The following CAMTA1 variants were observed in gnomAD, a reference collection of about 807,000 sequenced individuals.
The protein encoded by CAMTA1 is calmodulin-binding transcription activator 1.
CAMTA1 carries 27 observed loss-of-function variants against 170.9 expected under a neutral mutation model. The observed-to-expected ratio is 0.16, with a 90% confidence interval of 0.12 to 0.22. The LOEUF (loss-of-function observed/expected upper bound fraction) is 0.22, where lower values mean the gene tolerates loss of function less well. Ranked by LOEUF, CAMTA1 falls within the 10% of genes least tolerant of loss-of-function variation. CAMTA1 has a pLI of 1.00. For synonymous variants in CAMTA1, 833 were observed against 891.5 expected, an observed-to-expected ratio of 0.93 and a Z score of 1.17; for missense variants, 1,619 against 2,217.2, an observed-to-expected ratio of 0.73 and a Z score of 5.42.
At chr1:7,478,966 G>A (rs945361809) in intron 6 of CAMTA1, among the ~76,000 whole-genome samples, 4 of 152,220 alleles carry the variant, frequency 2.6e-5, no homozygotes, top group African/African-American at 4.8e-5. Flanking sequence ...TGCCTCTGAC[G>A]TGATTCAAAG....
intron 6 of CAMTA1, among the ~76,000 whole-genome samples, chr1:7,531,472 C>A (rs1226800779): frequency 6.6e-6 from 1 of 152,192 alleles, no homozygotes; most frequent in African/African-American, 2.4e-5. Flanking sequence ...ACTCGAAAAA[C>A]CTGCAGAGGG....
chr1:7,663,870 G>A lies in CAMTA1; in HGVS notation c.1323G>A (p.Lys441=). 1 of 1,614,036 alleles carries A rather than the reference G, an allele frequency of 6.2e-7. No individual in the cohort carries two copies. The stretch of plus-strand genomic sequence containing the variant: ...TGGCCGTGAGCTCTGATGGCCACAA[G>A]TTCGCCTTTCCCACCACGGGCAGCT... ...LVLAVSSDGH[K]FAFPTTGSSE... Residue 441 remains lysine (K), a synonymous_variant, in exon 9 of 23, where the codon AAG becomes AAA. Transcript: ENST00000303635.
intron 5 of CAMTA1, among the ~76,000 whole-genome samples, chr1:7,328,030 C>T (rs560482206): frequency 2.6e-5 from 4 of 152,100 alleles, no homozygotes; most frequent in Admixed American, 6.5e-5. Flanking sequence ...AGAAATCAGT[C>T]GTCATTCTAA....
chr1:6,892,629 G>A (rs1217292523), intron 3 of CAMTA1, among the ~76,000 whole-genome samples: 2 of 149,856 alleles, frequency 1.3e-5, no homozygotes, highest in Non-Finnish European at 3.0e-5. Context: ...ATGTGGTGGG[G>A]GTAGATGCTT....
In CAMTA1 at chr1:7,458,747, C is replaced by T. The variant is rs760067287; in HGVS notation, c.439-9083C>T. ...TTGCTGTCTGGCCTCAGTCCCCTGGCGTGGCAGGGCCACAAGCTGCTTTGG... is the reference window on the plus strand; with the variant it reads ...TTGCTGTCTGGCCTCAGTCCCCTGGTGTGGCAGGGCCACAAGCTGCTTTGG... On this transcript the variant is annotated intron_variant, in intron 5 of 22. Transcript: ENST00000303635. Among the ~76,000 whole-genome samples the T allele has an allele frequency of 2.8e-4, 43 of 152,186 alleles. 1 individual carries two copies. Among genetic ancestry groups the T allele is most frequent in the Admixed American group, 2.2e-3 (33 of 15,288 alleles).
At chr1:7,391,790 G>A (rs781434129) in intron 5 of CAMTA1, among the ~76,000 whole-genome samples, 6 of 152,016 alleles carry the variant, frequency 3.9e-5, no homozygotes, top group Admixed American at 2.6e-4. Flanking sequence ...GGCTTCTTTC[G>A]CCAGACATAA....
intron 11 of CAMTA1, among the ~76,000 whole-genome samples, chr1:7,730,924 CTCTCTATATA>C (rs1319508472): frequency 1.9e-5 from 2 of 108,056 alleles, no homozygotes; most frequent in African/African-American, 3.1e-5. Context: ...CTCTCTCTCT[CTCTCTATATA>C]TATATATATA....
intron 5 of CAMTA1, chr1:7,388,350 C>G (rs538546322): frequency 1.3e-5 from 2 of 152,286 alleles, no homozygotes; most frequent in African/African-American, 4.8e-5. Flanking sequence ...AGGAGAGGAG[C>G]CTCTCTTCTG....
In CAMTA1 at chr1:7,670,925, C is replaced by G; in HGVS notation, c.2667C>G (p.Val889=). The G allele has an allele frequency of 6.2e-7, 1 of 1,613,728 alleles. No individual in the cohort carries two copies. The highest frequency in any genetic ancestry group is 8.5e-7 in the Non-Finnish European group (1 of 1,179,938). The change falls in exon 10 of 23, where the codon GTC becomes GTG. Residue 889 remains valine, a synonymous_variant. Transcript: ENST00000303635. ...EWSYPEGGVK[V]LITGPWQEAS... ...GTTCTCTGCAGGGAGGAGTGAAGGT[C>G]CTCATCACAGGCCCGTGGCAAGAAG...
chr1:7,011,493 G>A (rs947088426), intron 3 of CAMTA1, among the ~76,000 whole-genome samples: 4 of 151,970 alleles, frequency 2.6e-5, no homozygotes, highest in South Asian at 2.1e-4. Context: ...CTGAAGATGC[G>A]GAGGACCTAC....
intron 6 of CAMTA1, among the ~76,000 whole-genome samples, chr1:7,496,773 T>C (rs528440682): frequency 6.6e-6 from 1 of 150,560 alleles, no homozygotes; most frequent in South Asian, 2.1e-4. Context: ...TAGGCAGGGG[T>C]CCAGCGTCTC....
chr1:7,289,026 G>C (rs975391452), intron 5 of CAMTA1, among the ~76,000 whole-genome samples: 5 of 152,142 alleles, frequency 3.3e-5, no homozygotes, highest in African/African-American at 9.7e-5. Context: ...TACAATCATG[G>C]TGTAAGGCAA....
chr1:7,747,619 G>T, intron 18 of CAMTA1, 91 bp from the exon 19 acceptor site: 2 of 758,646 alleles, frequency 2.6e-6, no homozygotes, highest in East Asian at 2.8e-5. Flanking sequence ...TCTCAACTCT[G>T]AGAAGGTGCA....
At chr1:7,436,742 A>G (rs1407181332) in intron 5 of CAMTA1, among the ~76,000 whole-genome samples, 2 of 152,066 alleles carry the variant, frequency 1.3e-5, no homozygotes, top group African/African-American at 2.4e-5. Flanking sequence ...TCTGTCTCTT[A>G]TTAACTTGTA....
chr1:7,591,281 C>G (rs2095353614), intron 6 of CAMTA1, among the ~76,000 whole-genome samples: 2 of 152,154 alleles, frequency 1.3e-5, no homozygotes, highest in Admixed American at 1.3e-4. Context: ...AATCGGAGGC[C>G]CTGGGTCATA....
At chr1:6,903,789 AT>A (rs1490838992) in intron 3 of CAMTA1, among the ~76,000 whole-genome samples, 2 of 152,198 alleles carry the variant, frequency 1.3e-5, no homozygotes. Flanking sequence ...GCTGGAATTC[AT>A]CATTATGGAT....
chr1:7,586,290 G>A (rs1019480365), intron 6 of CAMTA1, among the ~76,000 whole-genome samples: 2 of 152,144 alleles, frequency 1.3e-5, no homozygotes, highest in African/African-American at 4.8e-5. Context: ...CTCTGAAGAC[G>A]AAAGTCCAGA....
At chr1:7,227,962 A>G (rs1405627176) in intron 4 of CAMTA1, among the ~76,000 whole-genome samples, 2 of 152,156 alleles carry the variant, frequency 1.3e-5, no homozygotes, top group Non-Finnish European at 2.9e-5. Flanking sequence ...CAAACCTGCC[A>G]AAGGTTGTCG....
At chr1:7,671,896 C>A (rs754916027) in intron 10 of CAMTA1, among the ~76,000 whole-genome samples, 1 of 152,182 alleles carries the variant, frequency 6.6e-6, no homozygotes, top group African/African-American at 2.4e-5. Context: ...ATAGTATCCC[C>A]GGGGCTGGCA....
Sources: allele counts gnomAD v4.1 joint callset (sites outside exome capture counted in the v4.1 genomes callset), GRCh38; gene constraint gnomAD v4.1.1; transcripts MANE v1.5; gene names NCBI Gene and HGNC (gene_info 2026-07-23, HGNC 2026-07-21).